The following TMEM131 variants were observed in gnomAD, a reference collection of about 807,000 sequenced individuals.
TMEM131 encodes 2610524E03Rik.
A neutral mutation model predicts 211.6 loss-of-function variants in TMEM131; 66 were observed. The ratio of observed to expected loss-of-function variants is 0.31; its 90% CI spans 0.26 to 0.38. TMEM131 has a LOEUF of 0.38. Ranked by LOEUF, TMEM131 falls within the 10% of genes least tolerant of loss-of-function variation. The pLI is 1.00. For missense variants in TMEM131, 2,036 were observed against 2,299.3 expected, an observed-to-expected ratio of 0.89 and a Z score of 2.34; for synonymous variants, 844 against 841.3, an observed-to-expected ratio of 1.00 and a Z score of -0.06.
chr2:97,829,884 T>C (rs952837410), intron 11 of TMEM131, among the ~76,000 whole-genome samples: 3 of 152,160 alleles, frequency 2.0e-5, no homozygotes, highest in African/African-American at 7.2e-5. Context: ...GTTATCAGCC[T>C]GTACAACACC....
intron 33 of TMEM131, among the ~76,000 whole-genome samples, chr2:97,771,655 T>C (rs545552460): frequency 6.6e-6 from 1 of 152,344 alleles, no homozygotes; most frequent in Admixed American, 6.5e-5. Flanking sequence ...ATCAGGTAGA[T>C]GCTGAGCCAA....
At chr2:97,795,515 CA>C (rs762484213) in intron 28 of TMEM131, among the ~76,000 whole-genome samples, 9 of 152,172 alleles carry the variant, frequency 5.9e-5, no homozygotes, top group Non-Finnish European at 1.0e-4. Flanking sequence ...TCATCTCCTG[CA>C]GTATGGATTA....
intron 22 of TMEM131, 127 bp from the exon 23 acceptor site, chr2:97,802,917 T>C (rs1354666982): frequency 2.7e-6 from 2 of 750,704 alleles, no homozygotes; most frequent in African/African-American, 3.6e-5. Flanking sequence ...CATTTATTCA[T>C]TCTAATATTT....
At chr2:97,839,821 G>A (rs954194586) in intron 7 of TMEM131, among the ~76,000 whole-genome samples, 5 of 152,306 alleles carry the variant, frequency 3.3e-5, no homozygotes, top group South Asian at 4.1e-4. Flanking sequence ...CGTAGCTAGC[G>A]GCTACTGTTT....
At chr2:97,765,154 A>C (rs564577819) in intron 35 of TMEM131, 2 of 152,330 alleles carry the variant, frequency 1.3e-5, no homozygotes, top group East Asian at 1.9e-4. Flanking sequence ...AGGATTTAGG[A>C]TTGTATCCCA....
At chr2:97,878,811 C>T (rs764939410) in intron 4 of TMEM131, among the ~76,000 whole-genome samples, 15 of 152,046 alleles carry the variant, frequency 9.9e-5, no homozygotes, top group Non-Finnish European at 1.8e-4. Flanking sequence ...CAAAACTGCA[C>T]GTTCTGCACA....
Position 97,995,677 on chromosome 2 carries a change from G to A in TMEM131, c.-15C>T. The A allele has an allele frequency of 8.3e-7, 1 of 1,199,558 alleles. No homozygotes were observed. Among genetic ancestry groups the A allele is most frequent in the Non-Finnish European group, 1.0e-6 (1 of 966,854 alleles). The allele number at this position is 1,199,558 out of a possible 1,614,324, so 74.3% of individuals were successfully genotyped here. Reference sequence around the variant, plus strand: ...CGCTTCCCCATCCCTGCCGGCCGGGGGCCGCCGCGCTCGAGGTCCGGCGCG... The same window carrying A: ...CGCTTCCCCATCCCTGCCGGCCGGGAGCCGCCGCGCTCGAGGTCCGGCGCG... On this transcript the variant is annotated 5_prime_UTR_variant, in exon 1 of 41. Transcript: ENST00000186436.
At position 97,988,819 on chromosome 2, in the gene TMEM131, T is replaced by C. The variant is rs190978665; in HGVS notation, c.187+6657A>G. ...TCCTTGTGCATTATTCACGGGATTC[T>C]GAGATTATGCAACCACTATGGAAAT... On this transcript the variant is annotated intron_variant, in intron 1 of 40. Transcript: ENST00000186436. Among the ~76,000 whole-genome samples, 5 of 152,374 alleles carry C rather than the reference T, an allele frequency of 3.3e-5. No individual in the cohort carries two copies. The East Asian group carries it at 9.6e-4, about 29-fold the overall frequency.
At chr2:97,973,075 G>A (rs1679376568) in intron 1 of TMEM131, among the ~76,000 whole-genome samples, 1 of 152,184 alleles carries the variant, frequency 6.6e-6, no homozygotes, top group Non-Finnish European at 1.5e-5. Context: ...AAGTTGTGTT[G>A]TTTTTAAGCC....
At chr2:97,867,626 G>A (rs1282358483) in intron 4 of TMEM131, among the ~76,000 whole-genome samples, 1 of 152,204 alleles carries the variant, frequency 6.6e-6, no homozygotes, top group African/African-American at 2.4e-5. Flanking sequence ...GGGTTCCCCA[G>A]GTTTCAGGCC....
intron 1 of TMEM131, among the ~76,000 whole-genome samples, chr2:97,983,762 T>C (rs1679906391): frequency 6.6e-6 from 1 of 152,224 alleles, no homozygotes; most frequent in South Asian, 2.1e-4. Flanking sequence ...TCTTTTTTCA[T>C]TTCTATGTTC....
chr2:97,967,021 AAAACAAACAAAC>A (rs140987291), intron 1 of TMEM131, among the ~76,000 whole-genome samples: 15 of 152,018 alleles, frequency 9.9e-5, no homozygotes, highest in African/African-American at 3.4e-4. Flanking sequence ...CCCACCACCT[AAAACAAACAAAC>A]AAACAAACAA....
rs1375544757 is a variant in TMEM131, at chr2:97,833,437, T to G, written c.1013-11A>C. The G allele has an allele frequency of 8.1e-7, 1 of 1,240,388 alleles. No homozygotes were observed. The highest frequency in any genetic ancestry group is 1.4e-5 in the South Asian group (1 of 70,954). The allele number at this position is 1,240,388 out of a possible 1,614,324, so 76.8% of individuals were successfully genotyped here. ...AAACTTTTGGTAGATCTGTTAAAAT[T>G]GAGGAAAAGAAATATTTCTTAAAAA... On this transcript the variant is annotated splice_polypyrimidine_tract_variant and intron_variant, in intron 10 of 40. Coordinates refer to ENST00000186436, the MANE Select transcript of TMEM131 (RefSeq NM_015348.2).
At chr2:97,988,935 G>T (rs1229571492) in intron 1 of TMEM131, among the ~76,000 whole-genome samples, 1 of 152,082 alleles carries the variant, frequency 6.6e-6, no homozygotes, top group African/African-American at 2.4e-5. Flanking sequence ...TGAAACCAGG[G>T]TCTTGAAGAG....
chr2:97,804,893 C>T (rs1228579390), intron 22 of TMEM131, among the ~76,000 whole-genome samples, 195 bp downstream of exon 22: 1 of 152,104 alleles, frequency 6.6e-6, no homozygotes, highest in East Asian at 1.9e-4. Context: ...AGAAAAATGA[C>T]AGTATGTATA....
At chr2:97,823,938 T>A (rs1397442749) in intron 11 of TMEM131, among the ~76,000 whole-genome samples, 24 of 152,086 alleles carry the variant, frequency 1.6e-4, no homozygotes, top group Admixed American at 1.5e-3. Flanking sequence ...GAGGCATTAT[T>A]AATCCTGGCA....
intron 1 of TMEM131, among the ~76,000 whole-genome samples, chr2:97,948,558 G>C (rs1678150616): frequency 6.6e-6 from 1 of 152,182 alleles, no homozygotes; most frequent in Non-Finnish European, 1.5e-5. Flanking sequence ...ACCATATCAG[G>C]TGTTGGCAAG....
At chr2:97,762,339 C>A (rs1678896982) in intron 35 of TMEM131, 139 bp from the exon 36 acceptor site, 1 of 838,490 alleles carries the variant, frequency 1.2e-6, no homozygotes, top group Non-Finnish European at 1.8e-6. Flanking sequence ...TAGATGTGTT[C>A]TGTTTAACAG....
intron 1 of TMEM131, among the ~76,000 whole-genome samples, chr2:97,986,186 AC>A (rs1471389618): frequency 2.0e-5 from 3 of 152,248 alleles, no homozygotes; most frequent in African/African-American, 4.8e-5. Context: ...AATTAAAACA[AC>A]GTGACAACTT....
Sources: gnomAD v4.1 joint callset for allele counts (sites outside exome capture counted in the v4.1 genomes callset) on GRCh38, gnomAD v4.1.1 for gene constraint, MANE v1.5 for transcripts, NCBI Gene and HGNC (gene_info 2026-07-23, HGNC 2026-07-21) for gene names.